GULP1: variants seen among roughly 807,000 people sequenced by gnomAD.
GULP1 encodes PTB domain-containing engulfment adapter protein 1.
In GULP1, 19 loss-of-function variants were observed where a neutral mutation model predicts 40.9. The observed-to-expected ratio is 0.46, with a 90% CI of 0.32 to 0.68. The LOEUF is 0.68. Among genes scored for constraint, GULP1 ranks in the 30% least tolerant of loss-of-function variants. GULP1 has a pLI of 0.03. For synonymous variants in GULP1, 119 were observed against 117.6 expected, an observed-to-expected ratio of 1.01 and a Z score of -0.08; for missense variants, 312 against 362.2, an observed-to-expected ratio of 0.86 and a Z score of 1.12.
chr2:188,553,639 A>C (rs1694060915), intron 7 of GULP1, among the ~76,000 whole-genome samples: 1 of 151,890 alleles, frequency 6.6e-6, no homozygotes. Flanking sequence ...TTGTATCCTT[A>C]TCTGGTTTTG....
chr2:188,556,282 C>A (rs1694741680), intron 7 of GULP1, among the ~76,000 whole-genome samples: 1 of 152,004 alleles, frequency 6.6e-6, no homozygotes, highest in Non-Finnish European at 1.5e-5. Flanking sequence ...AAAGATCTGT[C>A]TTTAAAGATT....
intron 5 of GULP1, 116 bp from the exon 6 acceptor site, chr2:188,528,981 C>G (rs759592369): frequency 5.7e-4 from 334 of 581,444 alleles, no homozygotes; most frequent in Non-Finnish European, 9.6e-4. Context: ...TTATACTTGG[C>G]AAAAATTCAC....
At chr2:188,472,929 T>A (rs1305068950) in intron 2 of GULP1, among the ~76,000 whole-genome samples, 2 of 152,170 alleles carry the variant, frequency 1.3e-5, no homozygotes, top group Non-Finnish European at 2.9e-5. Flanking sequence ...CTGTCCTTCT[T>A]GGGAAAGCTT....
chr2:188,492,648 T>TA (rs2062505253), intron 4 of GULP1, among the ~76,000 whole-genome samples: 1 of 148,876 alleles, frequency 6.7e-6, no homozygotes, highest in Non-Finnish European at 1.5e-5. Context: ...AGAATTAACT[T>TA]TAAAAAAAAA....
chr2:188,380,649 T>A (rs1412944255), intron 1 of GULP1, among the ~76,000 whole-genome samples: 1 of 152,150 alleles, frequency 6.6e-6, no homozygotes, highest in Non-Finnish European at 1.5e-5. Context: ...CCAGGAAAAC[T>A]CCTAAAACAT....
intron 4 of GULP1, among the ~76,000 whole-genome samples, chr2:188,496,690 A>G (rs2062927976): frequency 6.6e-6 from 1 of 152,016 alleles, no homozygotes; most frequent in South Asian, 2.1e-4. Flanking sequence ...AACAGACATT[A>G]TAATTGATAT....
chr2:188,329,314 G>C (rs1184093811), intron 1 of GULP1, among the ~76,000 whole-genome samples: 15 of 152,000 alleles, frequency 9.9e-5, no homozygotes, highest in Admixed American at 9.8e-4. Flanking sequence ...CTGTTTGTCT[G>C]AATTTAATGC....
At chr2:188,449,125 GC>G (rs1199943340) in intron 2 of GULP1, among the ~76,000 whole-genome samples, 8 of 152,146 alleles carry the variant, frequency 5.3e-5, no homozygotes, top group African/African-American at 1.9e-4. Flanking sequence ...CACAGAATAG[GC>G]ACATAATAGA....
chr2:188,566,465 A>G (rs1475981731), intron 7 of GULP1, among the ~76,000 whole-genome samples: 1 of 152,148 alleles, frequency 6.6e-6, no homozygotes, highest in East Asian at 1.9e-4. Flanking sequence ...ATAATTAATA[A>G]TGTTACCATT....
intron 9 of GULP1, among the ~76,000 whole-genome samples, chr2:188,574,877 A>G (rs1052717102): frequency 8.5e-5 from 13 of 152,176 alleles, no homozygotes; most frequent in Non-Finnish European, 1.5e-4. Flanking sequence ...ATGCAGTAGA[A>G]TGATCTACAT....
At chr2:188,297,098 C>CTA (rs1179961627) in intron 1 of GULP1, among the ~76,000 whole-genome samples, 1 of 151,920 alleles carries the variant, frequency 6.6e-6, no homozygotes, top group East Asian at 1.9e-4. Flanking sequence ...CCAATTTTAA[C>CTA]AACTAATTAA....
chr2:188,400,923 T>TTGTGTGTGTGTGTGTGTGTGTGTGTG (rs61060931), intron 2 of GULP1, among the ~76,000 whole-genome samples: 1 of 139,642 alleles, frequency 7.2e-6, no homozygotes, highest in South Asian at 2.3e-4. Flanking sequence ...AGTGGTGTGT[T>TTGTGTGTGTGTGTGTGTGTGTGTGTG]TGTGTGTGTG....
In GULP1 at chr2:188,587,953, A is replaced by G; in HGVS notation, c.843+4A>G. On this transcript the variant is annotated splice_donor_region_variant and intron_variant, in intron 11 of 11. Transcript: ENST00000409830. ...ATCAAAATTAGATGAGATGCAGGTG[A>G]CTATTTTGATAGACTGGCCCATAAA... 4 of 1,443,190 alleles carry G rather than the reference A, an allele frequency of 2.8e-6. No individual in the cohort carries two copies. The highest frequency in any genetic ancestry group is 3.9e-6 in the Non-Finnish European group (4 of 1,023,872). The allele number at this position is 1,443,190 out of a possible 1,614,324, so 89.4% of individuals were successfully genotyped here. A position where few individuals can be genotyped will look rare whatever the true frequency, so the allele number is the denominator to read the frequency against.
At chr2:188,541,599 ATAATT>A (rs1195994592) in intron 7 of GULP1, 12 of 545,400 alleles carry the variant, frequency 2.2e-5, no homozygotes, top group South Asian at 1.7e-4. Flanking sequence ...GTATTTTATA[ATAATT>A]TAATCTATTT....
chr2:188,368,939 G>GTATGTATATA (rs2047199178), intron 1 of GULP1, among the ~76,000 whole-genome samples: 1 of 86,086 alleles, frequency 1.2e-5, no homozygotes, highest in African/African-American at 4.1e-5. Flanking sequence ...ATATATGTGT[G>GTATGTATATA]TATATATATA....
At position 188,471,024 on chromosome 2, in the gene GULP1, A is replaced by G. The variant is rs370989253; in HGVS notation, c.-44-6635A>G. Among the ~76,000 whole-genome samples the G allele has an allele frequency of 2.6e-4, 40 of 152,238 alleles. No homozygotes were observed. In the East Asian group the frequency reaches 2.7e-3, roughly 10 times the overall value. ...AAGTGGGATGTTGAAATCTCCAGCT[A>G]TTATTGTATTGGAGTCTAACTCTAT... On this transcript the variant is annotated intron_variant, in intron 2 of 11. Transcript: ENST00000409830.
intron 1 of GULP1, among the ~76,000 whole-genome samples, chr2:188,325,287 AG>A (rs1002008629): frequency 2.6e-5 from 4 of 152,128 alleles, no homozygotes; most frequent in African/African-American, 9.7e-5. Flanking sequence ...TGAACTCCTT[AG>A]AGAATGCAAT....
At chr2:188,373,175 G>A (rs918455882) in intron 1 of GULP1, among the ~76,000 whole-genome samples, 1 of 151,852 alleles carries the variant, frequency 6.6e-6, no homozygotes, top group Non-Finnish European at 1.5e-5. Context: ...AGCTCTAACA[G>A]AGGAAACATG....
chr2:188,468,499 A>G (rs2060314848), intron 2 of GULP1, among the ~76,000 whole-genome samples: 1 of 152,196 alleles, frequency 6.6e-6, no homozygotes, highest in African/African-American at 2.4e-5. Flanking sequence ...TATATTAACT[A>G]TAGATATGTA....
Sources: gnomAD v4.1 joint callset for allele counts (sites outside exome capture counted in the v4.1 genomes callset) on GRCh38, gnomAD v4.1.1 for gene constraint, MANE v1.5 for transcripts, NCBI Gene and HGNC (gene_info 2026-07-23, HGNC 2026-07-21) for gene names.